Variants in CFAP206 observed in about 807,000 individuals in gnomAD.
The protein encoded by CFAP206 is cilia- and flagella-associated protein 206.
Under a neutral mutation model 65.4 loss-of-function variants are expected in CFAP206, and 53 were observed. The observed-to-expected ratio is 0.81, with a 90% CI of 0.65 to 1.02. The LOEUF is 1.02. CFAP206 is among the 50% of genes least tolerant of loss of function. The pLI, the probability that CFAP206 is intolerant of heterozygous loss-of-function variation, is 0.00. For synonymous variants in CFAP206, 250 were observed against 254.4 expected (o/e 0.98, Z 0.17); for missense variants, 663 against 753.2 (o/e 0.88, Z 1.40).
intron 11 of CFAP206, among the ~76,000 whole-genome samples, chr6:87,449,436 C>CAAAAA (rs34540279): frequency 1.1e-4 from 6 of 53,018 alleles, no homozygotes; most frequent in African/African-American, 3.2e-4. Flanking sequence ...GACTCCATCT[C>CAAAAA]AAAAAAAAAA....
At chr6:87,448,993 T>G (rs181088601) in intron 11 of CFAP206, among the ~76,000 whole-genome samples, 1,669 of 152,284 alleles carry the variant, frequency 0.011, 36 homozygotes, top group African/African-American at 0.038. Flanking sequence ...TTTGACATAC[T>G]AATTTCCTTT....
At position 87,410,604 on chromosome 6, in the gene CFAP206, A is replaced by G. The variant is rs1305323771; in HGVS notation, c.128A>G (p.Asp43Gly). Residue 43 changes from aspartate to glycine, a missense_variant, in exon 3 of 13, where the codon GAT becomes GGT. Transcript: ENST00000369562. ...TTCTAGGTGAAAGCTGTTGTCCTGG[A>G]TCCAAGTAATGGCTTTAACATGGAT... ...IAFMVKAVVL[D>G]PSNGFNMDRT... is the part of the protein sequence containing the mutation. 6.2e-7 allele frequency: 1 copy of G among 1,614,002 alleles called. No homozygotes were observed. Among genetic ancestry groups the G allele is most frequent in the African/African-American group, 1.3e-5 (1 of 75,058 alleles).
chr6:87,434,561 G>A (rs995221684), intron 10 of CFAP206, among the ~76,000 whole-genome samples: 3 of 148,292 alleles, frequency 2.0e-5, no homozygotes, highest in Non-Finnish European at 3.0e-5. Flanking sequence ...GCAATGGCAC[G>A]ATCTCAGCTC....
At chr6:87,444,703 T>G (rs888714384) in intron 11 of CFAP206, 3 of 351,702 alleles carry the variant, frequency 8.5e-6, no homozygotes, top group Non-Finnish European at 1.6e-5. Context: ...CTGAGCCTTT[T>G]TAACTATTTT....
intron 3 of CFAP206, among the ~76,000 whole-genome samples, chr6:87,411,256 C>A (rs1767730876): frequency 6.6e-6 from 1 of 152,182 alleles, no homozygotes; most frequent in Non-Finnish European, 1.5e-5. Context: ...TTAAATAGAA[C>A]TAAATTAATT....
chr6:87,461,023 T>C lies in CFAP206; in HGVS notation c.1496T>C (p.Met499Thr). The C allele has an allele frequency of 1.3e-6, 2 of 1,572,888 alleles. No homozygotes were observed. The highest frequency in any genetic ancestry group is 1.7e-6 in the Non-Finnish European group (2 of 1,166,356). Residue 499 changes from methionine to threonine, a missense_variant and splice_region_variant, in exon 12 of 13, where the codon ATG becomes ACG. Met to Thr is a moderately conservative substitution (Grantham distance 81). Transcript: ENST00000369562. Reference sequence around the variant, plus strand: ...AACTACAAAACTCCACTTCTTTAGATGAGAGATGCTGACAAACATTATATA... The same window carrying C: ...AACTACAAAACTCCACTTCTTTAGACGAGAGATGCTGACAAACATTATATA... ...QFETFIPYSQMRDADKHYIKP... is the reference protein window; with the variant it reads ...QFETFIPYSQTRDADKHYIKP...
intron 11 of CFAP206, among the ~76,000 whole-genome samples, chr6:87,453,228 A>T (rs909876122): frequency 6.6e-6 from 1 of 152,160 alleles, no homozygotes; most frequent in Non-Finnish European, 1.5e-5. Flanking sequence ...AATGGTATAT[A>T]TCTGATGAAA....
chr6:87,459,260 G>GT (rs1351784783), intron 11 of CFAP206, among the ~76,000 whole-genome samples: 1 of 151,976 alleles, frequency 6.6e-6, no homozygotes, highest in Non-Finnish European at 1.5e-5. Context: ...AAACTCTTCC[G>GT]TTTTTTGTCT....
chr6:87,427,627 T>C (rs1582138923), intron 8 of CFAP206, among the ~76,000 whole-genome samples: 1 of 152,224 alleles, frequency 6.6e-6, no homozygotes, highest in East Asian at 1.9e-4. Context: ...CTCACTGGCC[T>C]CAAATATTTA....
intron 5 of CFAP206, 133 bp downstream of exon 5, chr6:87,416,007 A>T: frequency 1.5e-6 from 1 of 647,808 alleles, no homozygotes; most frequent in South Asian, 3.3e-5. Flanking sequence ...AATCAGCACA[A>T]ATGAGTTAAA....
intron 11 of CFAP206, among the ~76,000 whole-genome samples, chr6:87,439,547 G>T (rs2127953804): frequency 6.6e-6 from 1 of 152,108 alleles, no homozygotes; most frequent in South Asian, 2.1e-4. Flanking sequence ...GTCTCTTGAT[G>T]AACAAGTCTT....
intron 4 of CFAP206, among the ~76,000 whole-genome samples, 153 bp downstream of exon 4, chr6:87,414,053 G>C (rs1191310990): frequency 6.6e-6 from 1 of 151,922 alleles, no homozygotes; most frequent in East Asian, 1.9e-4. Flanking sequence ...CGTTAGAAAT[G>C]CTAAATGAAA....
At position 87,431,158 on chromosome 6, in the gene CFAP206, G is replaced by A. The variant is rs1768149054; in HGVS notation, c.1285G>A (p.Gly429Ser). Reference protein sequence around the residue: ...FCAYTFAATDGLLLPGNPAIG... With the variant: ...FCAYTFAATDSLLLPGNPAIG... Reference sequence around the variant, plus strand: ...TGCTTACACGTTTGCTGCAACAGATGGTCTTCTCCTTCCAGGTATATCATT... The same window carrying A: ...TGCTTACACGTTTGCTGCAACAGATAGTCTTCTCCTTCCAGGTATATCATT... The change falls in exon 10 of 13, where the codon GGT becomes AGT. Residue 429 changes from glycine to serine, a missense_variant. Gly to Ser is a moderately conservative substitution (Grantham distance 56). Transcript: ENST00000369562. 4 of 1,613,510 alleles carry A rather than the reference G, an allele frequency of 2.5e-6. No homozygotes were observed. Among genetic ancestry groups the A allele is most frequent in the Non-Finnish European group, 8.5e-7 (1 of 1,179,738 alleles).
At chr6:87,432,973 C>G (rs1768184202) in intron 10 of CFAP206, among the ~76,000 whole-genome samples, 1 of 152,208 alleles carries the variant, frequency 6.6e-6, no homozygotes, top group Non-Finnish European at 1.5e-5. Flanking sequence ...TGGCACTTAC[C>G]AGTCAGAATC....
In CFAP206 at chr6:87,428,800, G is replaced by T; in HGVS notation, c.1135G>T (p.Val379Leu). ...HLNGATVKTDVCRMKEHMEDR... is the reference protein window; with the variant it reads ...HLNGATVKTDLCRMKEHMEDR... ...TAATGGAGCGACTGTGAAAACTGAT[G>T]TGTGTAGAATGAAAGAACACATGGG... The change falls in exon 9 of 13, where the codon GTG becomes TTG. Residue 379 changes from valine (V) to leucine (L), a missense_variant. Val to Leu is a conservative substitution (Grantham distance 32). Coordinates refer to ENST00000369562, the MANE Select transcript of CFAP206 (RefSeq NM_001031743.3). 1 of 1,614,082 alleles carries T rather than the reference G, an allele frequency of 6.2e-7. No homozygotes were observed. The highest frequency in any genetic ancestry group is 1.1e-5 in the South Asian group (1 of 91,074).
chr6:87,443,978 C>T (rs1768399105), intron 11 of CFAP206, among the ~76,000 whole-genome samples: 2 of 152,066 alleles, frequency 1.3e-5, no homozygotes, highest in Admixed American at 6.6e-5. Flanking sequence ...CATCATAGTT[C>T]GGTTCTGAAT....
chr6:87,460,138 C>T (rs1272964201), intron 11 of CFAP206, among the ~76,000 whole-genome samples: 1 of 152,158 alleles, frequency 6.6e-6, no homozygotes, highest in East Asian at 1.9e-4. Flanking sequence ...TATCTTCTCC[C>T]TCCTTTTTAC....
intron 11 of CFAP206, among the ~76,000 whole-genome samples, chr6:87,454,950 T>G (rs1190887303): frequency 1.3e-5 from 2 of 151,186 alleles, no homozygotes; most frequent in Non-Finnish European, 2.9e-5. Context: ...TTTTATGGAG[T>G]CTCCCTCTGT....
At chr6:87,436,692 A>T (rs1189672246) in intron 11 of CFAP206, 1 of 152,328 alleles carries the variant, frequency 6.6e-6, no homozygotes, top group Non-Finnish European at 1.5e-5. Context: ...GACATCGTTG[A>T]TGTAGCACTC....
Sources: allele counts gnomAD v4.1 joint callset (sites outside exome capture counted in the v4.1 genomes callset), GRCh38; gene constraint gnomAD v4.1.1; transcripts MANE v1.5; gene names NCBI Gene and HGNC (gene_info 2026-07-23, HGNC 2026-07-21).